The following IGF1R variants were observed in gnomAD, a reference collection of about 807,000 sequenced individuals.
IGF1R encodes insulin like growth factor 1 receptor, also known as insulin-like growth factor 1 receptor.
IGF1R carries 44 observed loss-of-function variants against 144.6 expected under a neutral mutation model. The observed-to-expected ratio is 0.30, with a 90% CI of 0.24 to 0.39. The LOEUF (loss-of-function observed/expected upper bound fraction) is 0.39, where lower values mean the gene tolerates loss of function less well. IGF1R is among the 10% of genes least tolerant of loss of function. The probability of loss-of-function intolerance (pLI) is 1.00; values close to 1 mark genes in which losing one functional copy is unlikely to be tolerated. For synonymous variants in IGF1R, 795 were observed against 722.8 expected, an observed-to-expected ratio of 1.10 and a Z score of -1.60; for missense variants, 1,355 against 1,833.7, an observed-to-expected ratio of 0.74 and a Z score of 4.77.
chr15:98,710,421 C>T (rs1482947756), intron 2 of IGF1R, among the ~76,000 whole-genome samples: 2 of 152,004 alleles, frequency 1.3e-5, no homozygotes, highest in South Asian at 4.1e-4. Context: ...CTGCATTGTC[C>T]AGTGTGGTAG....
At chr15:98,780,102 TA>T (rs5814900) in intron 2 of IGF1R, among the ~76,000 whole-genome samples, 2,397 of 151,446 alleles carry the variant, frequency 0.016, 61 homozygotes, top group African/African-American at 0.055. Flanking sequence ...TTTTTTTTTT[TA>T]AATTTATGTA....
At chr15:98,807,579 C>T (rs911431541) in intron 2 of IGF1R, among the ~76,000 whole-genome samples, 2 of 152,198 alleles carry the variant, frequency 1.3e-5, no homozygotes, top group Admixed American at 6.5e-5. Flanking sequence ...GGATTTTATC[C>T]TTGTGCTGCC....
chr15:98,699,209 C>T (rs567567355), intron 1 of IGF1R, among the ~76,000 whole-genome samples: 12 of 152,332 alleles, frequency 7.9e-5, no homozygotes, highest in South Asian at 2.1e-4. Flanking sequence ...GTCTGTCCTT[C>T]GGAGGTTTAG....
At chr15:98,752,758 T>G (rs1201670051) in intron 2 of IGF1R, among the ~76,000 whole-genome samples, 1 of 152,144 alleles carries the variant, frequency 6.6e-6, no homozygotes, top group African/African-American at 2.4e-5. Context: ...TGGCTCAAAC[T>G]AATGATGTGT....
At chr15:98,889,282 G>A (rs908269256) in intron 2 of IGF1R, among the ~76,000 whole-genome samples, 3 of 152,158 alleles carry the variant, frequency 2.0e-5, no homozygotes, top group African/African-American at 7.2e-5. Flanking sequence ...CAGAGGTGAC[G>A]CTATTCATTT....
intron 2 of IGF1R, among the ~76,000 whole-genome samples, chr15:98,760,205 G>T (rs1339333738): frequency 6.6e-6 from 1 of 151,544 alleles, no homozygotes; most frequent in African/African-American, 2.4e-5. Flanking sequence ...GCAAAAACTA[G>T]CTGGGCATGG....
intron 2 of IGF1R, among the ~76,000 whole-genome samples, chr15:98,747,398 AT>A (rs1233182365): frequency 2.0e-5 from 3 of 151,978 alleles, no homozygotes; most frequent in African/African-American, 7.3e-5. Flanking sequence ...GGGTTTCACT[AT>A]GTTGGCCTGG....
Position 98,955,152 on chromosome 15 carries a change from G to A in IGF1R, c.3723-1909G>A, listed in dbSNP as rs180889453. On this transcript the variant is annotated intron_variant, in intron 20 of 20. Transcript: ENST00000650285. ...TCAGTAGCACCTGCTTCACAAACTC[G>A]TGAGGACTTCAGCAGTTCACACACA... is the stretch of plus-strand genomic sequence containing the variant. 7.3e-4 allele frequency among the ~76,000 whole-genome samples: 111 copies of A among 152,246 alleles called. 4 individuals carry two copies. The South Asian group carries it at 0.019, about 26-fold the overall frequency.
rs1474311730 is a variant in IGF1R at position 98,649,409 on chromosome 15, A to C, written c.-173A>C. On this transcript the variant is annotated 5_prime_UTR_variant, in exon 1 of 21. Transcript: ENST00000650285. ...CCGCCCGCCCCGTCCGCGCACCCGG[A>C]GGGCCCCGGCGGCGCCGCCTTCGGA... The C allele has an allele frequency of 5.5e-5, 20 of 365,236 alleles. No individual in the cohort carries two copies. The highest frequency in any genetic ancestry group is 7.5e-4 in the Middle Eastern group (1 of 1,330). The allele number at this position is 365,236 out of a possible 1,614,324, so 22.6% of individuals were successfully genotyped here. A position where few individuals can be genotyped will look rare whatever the true frequency, so the allele number is the denominator to read the frequency against.
In IGF1R at chr15:98,878,041, T is replaced by C. The variant is rs1596386654; in HGVS notation, c.641-13284T>C. Reference sequence around the variant, plus strand: ...GAAGTGACATTTGCAGCCACAGCTGTGTGGCATTGAGCGTCTAAGGTATGT... The same window carrying C: ...GAAGTGACATTTGCAGCCACAGCTGCGTGGCATTGAGCGTCTAAGGTATGT... On this transcript the variant is annotated intron_variant, in intron 2 of 20. Coordinates refer to ENST00000650285, the MANE Select transcript of IGF1R (RefSeq NM_000875.5). 2.0e-5 allele frequency among the ~76,000 whole-genome samples: 3 copies of C among 152,240 alleles called. No homozygotes were observed. In the East Asian group the frequency reaches 5.8e-4, roughly 29 times the overall value.
At chr15:98,781,633 C>A (rs1045153998) in intron 2 of IGF1R, among the ~76,000 whole-genome samples, 1 of 152,102 alleles carries the variant, frequency 6.6e-6, no homozygotes, top group African/African-American at 2.4e-5. Flanking sequence ...TAACATTTAG[C>A]CTTTTTTGGT....
intron 2 of IGF1R, among the ~76,000 whole-genome samples, chr15:98,865,264 C>T (rs1293151790): frequency 1.3e-5 from 2 of 152,222 alleles, no homozygotes; most frequent in Non-Finnish European, 2.9e-5. Context: ...CTGCAGAATA[C>T]AGCGAGATAG....
At chr15:98,852,302 G>A (rs1337767477) in intron 2 of IGF1R, among the ~76,000 whole-genome samples, 2 of 152,004 alleles carry the variant, frequency 1.3e-5, no homozygotes, top group African/African-American at 2.4e-5. Flanking sequence ...TCTGGCGCGC[G>A]CGCCCCACCC....
intron 2 of IGF1R, among the ~76,000 whole-genome samples, chr15:98,780,086 G>A (rs1166883925): frequency 1.4e-5 from 2 of 148,102 alleles, no homozygotes; most frequent in Non-Finnish European, 2.9e-5. Flanking sequence ...GGAGCCAGGT[G>A]GCTATTTTTT....
chr15:98,833,318 T>C (rs1217055792), intron 2 of IGF1R, among the ~76,000 whole-genome samples: 1 of 152,232 alleles, frequency 6.6e-6, no homozygotes, highest in African/African-American at 2.4e-5. Context: ...CTTTCCTGGT[T>C]GATTCAGTAC....
Position 98,649,661 on chromosome 15 carries a change from C to T in IGF1R, c.80C>T (p.Pro27Leu), listed in dbSNP as rs779890447. The T allele has an allele frequency of 8.7e-6, 14 of 1,609,840 alleles. No individual in the cohort carries two copies. The highest frequency in any genetic ancestry group is 4.0e-5 in the African/African-American group (3 of 74,656). ...LFLSAALSLW[P>L]TSGEICGPGI... Reference sequence around the variant, plus strand: ...CTCTCCGCCGCGCTCTCGCTCTGGCCGACGAGTGGAGAAAGTGAGTATGTG... The same window carrying T: ...CTCTCCGCCGCGCTCTCGCTCTGGCTGACGAGTGGAGAAAGTGAGTATGTG... The change falls in exon 1 of 21, where the codon CCG (proline) becomes CTG (leucine). Residue 27 changes from proline to leucine, a missense_variant. Pro to Leu is a moderately conservative substitution (Grantham distance 98). Coordinates refer to ENST00000650285, the MANE Select transcript of IGF1R (RefSeq NM_000875.5).
rs779192374 is a variant in IGF1R, at chr15:98,707,836, C to T, written c.369C>T (p.Thr123=). 1.2e-6 allele frequency: 2 copies of T among 1,614,046 alleles called. No homozygotes were observed. The highest frequency in any genetic ancestry group is 1.7e-6 in the Non-Finnish European group (2 of 1,180,042). The part of the protein sequence containing the change: ...YNYALVIFEM[T]NLKDIGLYNL... Reference sequence around the variant, plus strand: ...ACGCCCTGGTCATCTTCGAGATGACCAATCTCAAGGATATTGGGCTTTACA... The same window carrying T: ...ACGCCCTGGTCATCTTCGAGATGACTAATCTCAAGGATATTGGGCTTTACA... The change falls in exon 2 of 21, where the codon ACC becomes ACT. Residue 123 remains threonine (T), a synonymous_variant. Coordinates refer to ENST00000650285, the MANE Select transcript of IGF1R (RefSeq NM_000875.5). The surrounding 1 kb of genome is among the most constrained non-coding windows in gnomAD (Gnocchi z 6.7).
intron 6 of IGF1R, among the ~76,000 whole-genome samples, chr15:98,910,077 TG>T (rs1347906491): frequency 6.6e-6 from 1 of 152,232 alleles, no homozygotes; most frequent in African/African-American, 2.4e-5. Flanking sequence ...TGTTTGGCTT[TG>T]GCTTGTTTCG....
chr15:98,733,446 C>T (rs867731031), intron 2 of IGF1R, among the ~76,000 whole-genome samples: 3 of 151,622 alleles, frequency 2.0e-5, no homozygotes, highest in African/African-American at 7.3e-5. Context: ...TCTCCCAAAG[C>T]GCTAGGATTA....
Sources: gnomAD v4.1 joint callset for allele counts (sites outside exome capture counted in the v4.1 genomes callset) on GRCh38, gnomAD v4.1.1 for gene constraint, Gnocchi (gnomAD v3.1) non-coding constraint, MANE v1.5 for transcripts, NCBI Gene and HGNC (gene_info 2026-07-23, HGNC 2026-07-21) for gene names.